LARGE1: variants seen among roughly 807,000 people sequenced by gnomAD.
The protein encoded by LARGE1 is LARGE xylosyl- and glucuronyltransferase 1, also known as xylosyl- and glucuronyltransferase LARGE1.
LARGE1 carries 43 observed loss-of-function variants against 87.6 expected under a neutral mutation model. The ratio of observed to expected loss-of-function variants is 0.49; its 90% CI spans 0.38 to 0.63. The LOEUF (loss-of-function observed/expected upper bound fraction) is 0.63, where lower values mean the gene tolerates loss of function less well. Among genes scored for constraint, LARGE1 ranks in the 30% least tolerant of loss-of-function variants. LARGE1 has a pLI of 0.00. For synonymous variants in LARGE1, 434 were observed against 394.6 expected (o/e 1.10, Z -1.18); for missense variants, 802 against 1,000.2 (o/e 0.80, Z 2.67).
intron 6 of LARGE1, among the ~76,000 whole-genome samples, chr22:33,486,335 G>A (rs2069572105): frequency 6.6e-6 from 1 of 152,224 alleles, no homozygotes; most frequent in African/African-American, 2.4e-5. Flanking sequence ...ACGGAAAGCA[G>A]AATCTGATCA....
intron 4 of LARGE1, among the ~76,000 whole-genome samples, chr22:33,606,296 T>C (rs1177193253): frequency 6.6e-6 from 1 of 151,720 alleles, no homozygotes; most frequent in Non-Finnish European, 1.5e-5. Flanking sequence ...TCCCAGCTAC[T>C]TGGGAGGCTG....
At chr22:33,771,231 C>T (rs1165804559) in intron 1 of LARGE1, among the ~76,000 whole-genome samples, 1 of 148,752 alleles carries the variant, frequency 6.7e-6, no homozygotes, top group African/African-American at 2.5e-5. Context: ...CGGTTTGTTA[C>T]TATAATCCCC....
intron 2 of LARGE1, among the ~76,000 whole-genome samples, chr22:33,718,197 A>C (rs1455829676): frequency 2.0e-5 from 3 of 152,190 alleles, no homozygotes; most frequent in African/African-American, 7.2e-5. Context: ...CAGAGAACAA[A>C]CACCTGGGGA....
rs191077510 is a variant in LARGE1 at position 33,820,074 on chromosome 22, C to G, written c.-82-58516G>C. On this transcript the variant is annotated intron_variant, in intron 1 of 14. Transcript: ENST00000397394. ...ACCTCCCCTGCTTTCACTCACCCCACATAGTTACTCATTCTGTGAGTGCAA... is the reference window on the plus strand; with the variant it reads ...ACCTCCCCTGCTTTCACTCACCCCAGATAGTTACTCATTCTGTGAGTGCAA... 1.9e-3 allele frequency among the ~76,000 whole-genome samples: 293 copies of G among 152,274 alleles called. 1 individual carries two copies. The highest frequency in any genetic ancestry group is 6.7e-3 in the African/African-American group (277 of 41,568).
intron 5 of LARGE1, among the ~76,000 whole-genome samples, chr22:33,582,796 G>T (rs1329987088): frequency 6.6e-6 from 1 of 152,174 alleles, no homozygotes; most frequent in Non-Finnish European, 1.5e-5. Flanking sequence ...GAGCCCAAAT[G>T]TTAACTTCAT....
Position 33,559,476 on chromosome 22 carries a change from C to T in LARGE1, c.787+5372G>A, listed in dbSNP as rs1252089155. Among the ~76,000 whole-genome samples the T allele has an allele frequency of 2.0e-5, 3 of 152,244 alleles. No homozygotes were observed. In the East Asian group the frequency reaches 5.8e-4, roughly 29 times the overall value. On this transcript the variant is annotated intron_variant, in intron 6 of 14. Coordinates refer to ENST00000397394, the MANE Select transcript of LARGE1 (RefSeq NM_133642.5). ...GGATTACAAACGTGAGCCACCACAC[C>T]CTGCTGATGGTATCCCTTTAACTGT...
chr22:33,359,560 CTT>C (rs539990533), intron 9 of LARGE1, among the ~76,000 whole-genome samples: 1,416 of 119,144 alleles, frequency 0.012, 18 homozygotes, highest in African/African-American at 0.041. Flanking sequence ...GCAGACTCAT[CTT>C]TTTTTTTTTT....
intron 2 of LARGE1, among the ~76,000 whole-genome samples, chr22:33,760,110 T>C (rs770125605): frequency 4.6e-5 from 7 of 152,224 alleles, no homozygotes; most frequent in African/African-American, 1.4e-4. Flanking sequence ...AAATTATGCA[T>C]AAAGGAAACG....
chr22:33,258,031 T>C (rs1372955918), intron 11 of LARGE1, among the ~76,000 whole-genome samples: 2 of 151,944 alleles, frequency 1.3e-5, no homozygotes, highest in Non-Finnish European at 2.9e-5. Flanking sequence ...AAGAAATGTA[T>C]ATATATTTTT....
At chr22:33,730,633 G>A (rs1174576216) in intron 2 of LARGE1, among the ~76,000 whole-genome samples, 1 of 152,086 alleles carries the variant, frequency 6.6e-6, no homozygotes, top group Non-Finnish European at 1.5e-5. Flanking sequence ...AAATTAAGTA[G>A]GGATGAATGA....
intron 6 of LARGE1, among the ~76,000 whole-genome samples, chr22:33,532,310 T>C (rs1262369704): frequency 2.6e-5 from 4 of 152,214 alleles, no homozygotes; most frequent in African/African-American, 9.6e-5. Flanking sequence ...CTACGTGTGA[T>C]ACAGAAAGCT....
intron 6 of LARGE1, among the ~76,000 whole-genome samples, chr22:33,510,591 T>C (rs1340499964): frequency 6.6e-6 from 1 of 152,168 alleles, no homozygotes; most frequent in African/African-American, 2.4e-5. Flanking sequence ...TGTTTTGTTT[T>C]TGAGACAGGA....
intron 1 of LARGE1, among the ~76,000 whole-genome samples, chr22:33,841,506 T>C (rs1329408743): frequency 1.3e-5 from 2 of 152,214 alleles, no homozygotes; most frequent in Non-Finnish European, 2.9e-5. Context: ...CTAGGTTGGA[T>C]GTAGCTACAA....
At chr22:33,540,908 C>T (rs991033063) in intron 6 of LARGE1, among the ~76,000 whole-genome samples, 5 of 151,604 alleles carry the variant, frequency 3.3e-5, no homozygotes, top group African/African-American at 4.8e-5. Context: ...CGGAGGTAGG[C>T]GGATTGCTTG....
intron 6 of LARGE1, among the ~76,000 whole-genome samples, chr22:33,433,619 A>G (rs541219849): frequency 2.0e-5 from 3 of 151,440 alleles, no homozygotes; most frequent in Admixed American, 2.0e-4. Flanking sequence ...AAAAAAAAAA[A>G]AAAAAAAAAA....
chr22:33,228,458 C>G lies in LARGE1; in HGVS notation c.1731-61626G>C, dbSNP rs536928365. Among the ~76,000 whole-genome samples the G allele has an allele frequency of 2.0e-5, 3 of 152,314 alleles. No homozygotes were observed. In the South Asian group the frequency reaches 6.2e-4, roughly 32 times the overall value. The stretch of plus-strand genomic sequence containing the variant: ...CTATGGAAGCTACCCTTAAGTGAAC[C>G]CTGCAAACTCTTTCAAACATTGGTT... On this transcript the variant is annotated intron_variant, in intron 11 of 11. Coordinates refer to the LARGE1 transcript ENST00000608642.
At chr22:33,438,349 C>T (rs1208844530) in intron 6 of LARGE1, among the ~76,000 whole-genome samples, 1 of 152,184 alleles carries the variant, frequency 6.6e-6, no homozygotes, top group Non-Finnish European at 1.5e-5. Flanking sequence ...AACACTGTGA[C>T]TCACAGAAAA....
chr22:33,811,164 A>G (rs1006671933), intron 1 of LARGE1, among the ~76,000 whole-genome samples: 2 of 152,130 alleles, frequency 1.3e-5, no homozygotes, highest in African/African-American at 2.4e-5. Context: ...GCTCCTCCAT[A>G]AAGTCAGTCA....
the LARGE1 span, among the ~76,000 whole-genome samples, chr22:33,099,819 T>C: frequency 6.6e-6 from 1 of 152,170 alleles, no homozygotes; most frequent in African/African-American, 2.4e-5. Context: ...GATCATGAAA[T>C]GCCTTCAGTG....
Sources: gnomAD v4.1 joint callset for allele counts (sites outside exome capture counted in the v4.1 genomes callset) on GRCh38, gnomAD v4.1.1 for gene constraint, MANE v1.5 for transcripts, NCBI Gene and HGNC (gene_info 2026-07-23, HGNC 2026-07-21) for gene names.